Variants in GPATCH2 observed in about 807,000 individuals in gnomAD.
The protein encoded by GPATCH2 is G-patch domain containing 2.
In GPATCH2, 51 loss-of-function variants were observed where a neutral mutation model predicts 58.0. The observed-to-expected ratio is 0.88, with a 90% CI of 0.70 to 1.11. The LOEUF (loss-of-function observed/expected upper bound fraction) is 1.11, where lower values mean the gene tolerates loss of function less well. Among genes scored for constraint, GPATCH2 ranks in the 50% most tolerant of loss-of-function variants. GPATCH2 has a pLI of 0.00. For synonymous variants in GPATCH2, 222 were observed against 218.5 expected, an observed-to-expected ratio of 1.02 and a Z score of -0.14; for missense variants, 625 against 652.2, an observed-to-expected ratio of 0.96 and a Z score of 0.45.
chr1:217,555,456 G>T (rs777604832), intron 5 of GPATCH2, among the ~76,000 whole-genome samples: 2 of 152,076 alleles, frequency 1.3e-5, no homozygotes, highest in Non-Finnish European at 2.9e-5. Context: ...GCTCCTGCTT[G>T]TACGTTAGGG....
At chr1:217,617,929 T>C (rs2102833293) in intron 2 of GPATCH2, among the ~76,000 whole-genome samples, 1 of 152,040 alleles carries the variant, frequency 6.6e-6, no homozygotes, top group Non-Finnish European at 1.5e-5. Context: ...ACCAGTTACA[T>C]GTCCTATAAA....
chr1:217,574,279 G>C (rs1343856565), intron 5 of GPATCH2, among the ~76,000 whole-genome samples: 1 of 152,010 alleles, frequency 6.6e-6, no homozygotes, highest in Non-Finnish European at 1.5e-5. Flanking sequence ...TTTTCTTAAT[G>C]GTCTACTTTG....
chr1:217,584,944 G>GA (rs1667268771), intron 5 of GPATCH2, among the ~76,000 whole-genome samples: 1 of 150,996 alleles, frequency 6.6e-6, no homozygotes, highest in African/African-American at 2.4e-5. Flanking sequence ...CAGAAAGGTA[G>GA]AAAAAATAAA....
rs185280218 is a variant in GPATCH2 at position 217,526,026 on chromosome 1, G to T, written c.1099-11137C>A. On this transcript the variant is annotated intron_variant, in intron 5 of 9. Transcript: ENST00000366935. ...CCATTGTGCATACTTTTTGAACTGG[G>T]TATTATTTCTACTATTTTTCAAAGT... is the stretch of plus-strand genomic sequence containing the variant. Among the ~76,000 whole-genome samples the T allele has an allele frequency of 1.5e-3, 224 of 152,062 alleles. 1 individual carries two copies. Among genetic ancestry groups the T allele is most frequent in the African/African-American group, 4.9e-3 (205 of 41,494 alleles).
intron 5 of GPATCH2, among the ~76,000 whole-genome samples, chr1:217,561,523 C>G (rs935636884): frequency 2.0e-5 from 3 of 152,146 alleles, no homozygotes; most frequent in African/African-American, 7.2e-5. Context: ...TCAGTAGAAA[C>G]TCCTTCTCTT....
chr1:217,569,356 G>A (rs1326446965), intron 5 of GPATCH2, among the ~76,000 whole-genome samples: 1 of 151,974 alleles, frequency 6.6e-6, no homozygotes, highest in African/African-American at 2.4e-5. Flanking sequence ...GGGTGGGGTG[G>A]ATATGTGTGA....
At chr1:217,552,144 G>A (rs1350056448) in intron 5 of GPATCH2, among the ~76,000 whole-genome samples, 1 of 151,974 alleles carries the variant, frequency 6.6e-6, no homozygotes, top group Non-Finnish European at 1.5e-5. Flanking sequence ...TGATGTATAT[G>A]AATAAAACCT....
intron 9 of GPATCH2, among the ~76,000 whole-genome samples, chr1:217,442,315 G>A (rs552638111): frequency 6.6e-6 from 1 of 152,064 alleles, no homozygotes; most frequent in Non-Finnish European, 1.5e-5. Context: ...CACAGGGAGG[G>A]GACCATCACA....
At chr1:217,547,148 G>A (rs1365369059) in intron 5 of GPATCH2, among the ~76,000 whole-genome samples, 4 of 152,172 alleles carry the variant, frequency 2.6e-5, no homozygotes, top group East Asian at 3.9e-4. Context: ...CAGATCACGA[G>A]GTCAGGAGTT....
intron 5 of GPATCH2, among the ~76,000 whole-genome samples, chr1:217,584,364 T>TATAC (rs1226981154): frequency 1.6e-5 from 2 of 121,552 alleles, no homozygotes; most frequent in Non-Finnish European, 1.7e-5. Flanking sequence ...TATATATATA[T>TATAC]ACACACACAC....
At chr1:217,524,596 C>T (rs891965262) in intron 5 of GPATCH2, among the ~76,000 whole-genome samples, 1 of 151,710 alleles carries the variant, frequency 6.6e-6, no homozygotes, top group Non-Finnish European at 1.5e-5. Flanking sequence ...AAGGAGACTC[C>T]GTCTGCAATC....
Position 217,610,974 on chromosome 1 carries a change from A to G in GPATCH2, c.933T>C (p.Thr311=). 1.9e-6 allele frequency: 3 copies of G among 1,613,482 alleles called. No individual in the cohort carries two copies. Among genetic ancestry groups the G allele is most frequent in the Non-Finnish European group, 2.5e-6 (3 of 1,179,578 alleles). ...GATCTGGTACATTTTTGTCTAGCTC[A>G]GTAGGATCTTCCTTTTCCCACCAGG... ...VVPWWEKEDP[T]ELDKNVPDPV... Residue 311 remains threonine, a synonymous_variant, in exon 4 of 10, where the codon ACT becomes ACC. Transcript: ENST00000366935.
chr1:217,490,491 A>G (rs1661667759), intron 8 of GPATCH2, among the ~76,000 whole-genome samples: 1 of 152,118 alleles, frequency 6.6e-6, no homozygotes, highest in African/African-American at 2.4e-5. Flanking sequence ...CTCAAGGACT[A>G]TGATTGATTG....
chr1:217,506,094 G>A (rs1662546412), intron 6 of GPATCH2, among the ~76,000 whole-genome samples: 1 of 152,118 alleles, frequency 6.6e-6, no homozygotes. Context: ...AAATTCATAT[G>A]AAAAATTAAG....
At chr1:217,628,816 A>G (rs571921505) in intron 1 of GPATCH2, among the ~76,000 whole-genome samples, 1 of 152,236 alleles carries the variant, frequency 6.6e-6, no homozygotes, top group African/African-American at 2.4e-5. Context: ...TAAATAAGTC[A>G]GAAAATCCAG....
At chr1:217,571,547 A>C (rs530907850) in intron 5 of GPATCH2, among the ~76,000 whole-genome samples, 4 of 151,892 alleles carry the variant, frequency 2.6e-5, no homozygotes, top group Non-Finnish European at 5.9e-5. Context: ...TGAGCGATTA[A>C]AAAGGTACAA....
At chr1:217,611,270 C>A (rs1476468255) in intron 3 of GPATCH2, among the ~76,000 whole-genome samples, 199 bp from the exon 4 acceptor site, 5 of 152,002 alleles carry the variant, frequency 3.3e-5, no homozygotes, top group Admixed American at 6.6e-5. Context: ...ATGGGACATA[C>A]CTGTACTAAA....
At chr1:217,598,412 A>G (rs992004742) in intron 5 of GPATCH2, among the ~76,000 whole-genome samples, 1 of 152,030 alleles carries the variant, frequency 6.6e-6, no homozygotes, top group East Asian at 1.9e-4. Context: ...ACAAAAAACC[A>G]TAAGGTCATA....
At chr1:217,541,880 G>C (rs2102646109) in intron 5 of GPATCH2, among the ~76,000 whole-genome samples, 1 of 152,256 alleles carries the variant, frequency 6.6e-6, no homozygotes, top group South Asian at 2.1e-4. Context: ...CCCAAATTTA[G>C]TTGGAATAAA....
Sources: gnomAD v4.1 joint callset for allele counts (sites outside exome capture counted in the v4.1 genomes callset) on GRCh38, gnomAD v4.1.1 for gene constraint, MANE v1.5 for transcripts, NCBI Gene and HGNC (gene_info 2026-07-23, HGNC 2026-07-21) for gene names.